CENPE: variants seen among roughly 807,000 people sequenced by gnomAD.
The protein encoded by CENPE is centromere-associated protein E.
CENPE carries 145 observed loss-of-function variants against 336.1 expected under a neutral mutation model. The ratio of observed to expected loss-of-function variants is 0.43; its 90% confidence interval spans 0.38 to 0.50. CENPE has a LOEUF of 0.50. Among genes scored for constraint, CENPE ranks in the 20% least tolerant of loss-of-function variants. The pLI, the probability that CENPE is intolerant of heterozygous loss-of-function variation, is 0.00. For synonymous variants in CENPE, 1,013 were observed against 984.8 expected (o/e 1.03, Z -0.54); for missense variants, 2,719 against 3,023.3 (o/e 0.90, Z 2.36).
At chr4:103,137,914 A>C (rs2125910889) in intron 39 of CENPE, among the ~76,000 whole-genome samples, 1 of 152,258 alleles carries the variant, frequency 6.6e-6, no homozygotes, top group Non-Finnish European at 1.5e-5. Context: ...TCACTTAATA[A>C]AACTCAGTCT....
At chr4:103,162,295 T>C (rs1754513853) in intron 18 of CENPE, among the ~76,000 whole-genome samples, 1 of 151,942 alleles carries the variant, frequency 6.6e-6, no homozygotes, top group South Asian at 2.1e-4. Flanking sequence ...TTTTAAAAGT[T>C]CCAGCTAGAA....
In CENPE at chr4:103,165,511, T is replaced by TTGAC. The variant is rs1457812212; in HGVS notation, c.1648-1962_1648-1959dup. Reference sequence around the variant, plus strand: ...AATGGCTCCATGTCCTAAGGCCAATTTGACTTTTATTCCCTTTTAGCTAAA... The same window carrying TTGAC: ...AATGGCTCCATGTCCTAAGGCCAATTTGACTGACTTTTATTCCCTTTTAGCTAAA... On this transcript the variant is annotated intron_variant, in intron 16 of 48. Transcript: ENST00000265148. 7.2e-5 allele frequency among the ~76,000 whole-genome samples: 11 copies of TTGAC among 152,288 alleles called. No individual in the cohort carries two copies. In the East Asian group the frequency reaches 1.7e-3, roughly 24 times the overall value.
intron 16 of CENPE, among the ~76,000 whole-genome samples, chr4:103,165,002 C>T (rs1273794806): frequency 6.6e-6 from 1 of 152,066 alleles, no homozygotes; most frequent in Non-Finnish European, 1.5e-5. Context: ...TTAAAGAATA[C>T]TAATTTAGAA....
At chr4:103,126,240 G>A (rs1258900709) in intron 42 of CENPE, among the ~76,000 whole-genome samples, 2 of 152,124 alleles carry the variant, frequency 1.3e-5, no homozygotes, top group Admixed American at 6.5e-5. Flanking sequence ...GAGTCTGGCA[G>A]GAGAGGAGAA....
chr4:103,121,534 A>G (rs887727814), intron 43 of CENPE, among the ~76,000 whole-genome samples: 5 of 147,962 alleles, frequency 3.4e-5, no homozygotes, highest in South Asian at 2.1e-4. Flanking sequence ...TAAGCAAACC[A>G]TCTTTTCTTT....
At position 103,114,470 on chromosome 4, in the gene CENPE, C is replaced by T. The variant is rs777709300; in HGVS notation, c.7525G>A (p.Ala2509Thr). The change falls in exon 46 of 49, where the codon GCC becomes ACC. Residue 2509 changes from alanine (A) to threonine (T), a missense_variant. Coordinates refer to ENST00000265148, the MANE Select transcript of CENPE (RefSeq NM_001813.3). Reference sequence around the variant, plus strand: ...TTCTACTTACCTGAGGTATCTTGGGCCTGTTGACTTCTTCTGAGATTTTCT... The same window carrying T: ...TTCTACTTACCTGAGGTATCTTGGGTCTGTTGACTTCTTCTGAGATTTTCT... Reference protein sequence around the residue: ...LRENLRRSQQAQDTSVISEHT... With the variant: ...LRENLRRSQQTQDTSVISEHT... 6.2e-6 allele frequency: 10 copies of T among 1,605,764 alleles called. No homozygotes were observed. In the East Asian group the frequency reaches 1.6e-4, roughly 25 times the overall value.
chr4:103,132,374 C>A (rs375813234), intron 42 of CENPE, among the ~76,000 whole-genome samples: 1 of 152,098 alleles, frequency 6.6e-6, no homozygotes, highest in Non-Finnish European at 1.5e-5. Flanking sequence ...TCATGTCTTA[C>A]GATCTCTAAG....
At chr4:103,194,183 T>G (rs1016270291) in intron 8 of CENPE, 46 bp downstream of exon 8, 1 of 1,424,458 alleles carries the variant, frequency 7.0e-7, no homozygotes, top group African/African-American at 1.4e-5. Context: ...AAATTAAATT[T>G]TGTTTTGGCC....
At position 103,144,437 on chromosome 4, in the gene CENPE, T is replaced by A; in HGVS notation, c.5039A>T (p.Glu1680Val). The A allele has an allele frequency of 6.2e-7, 1 of 1,614,148 alleles. No individual in the cohort carries two copies. Among genetic ancestry groups the A allele is most frequent in the Non-Finnish European group, 8.5e-7 (1 of 1,179,984 alleles). Residue 1680 changes from glutamate to valine, a missense_variant, in exon 33 of 49, where the codon GAA becomes GTA. By Grantham distance (121) the Glu-to-Val change is moderately radical. Around this residue, in one of 5 missense-constraint regions of CENPE, gnomAD observed 2,437 missense variants for 2,513.3 expected, o/e 0.97. Coordinates refer to ENST00000265148, the MANE Select transcript of CENPE (RefSeq NM_001813.3). ...TCTTTCTTTTGTTACAGATCTCATT[T>A]CTTCAAGGTTTTCATGTAGTATCTG... ...LTQILHENLEEMRSVTKERDD... is the reference protein window; with the variant it reads ...LTQILHENLEVMRSVTKERDD...
Position 103,158,435 on chromosome 4 carries a change from T to G in CENPE, c.2898A>C (p.Leu966Phe). Reference protein sequence around the residue: ...VNMNIDTQEQLRNALESLKQH... With the variant: ...VNMNIDTQEQFRNALESLKQH... Reference sequence around the variant, plus strand: ...GTTTCAGAGACTCAAGAGCATTTCGTAATTGTTCTTGAGTATCTATATTCT... The same window carrying G: ...GTTTCAGAGACTCAAGAGCATTTCGGAATTGTTCTTGAGTATCTATATTCT... Residue 966 changes from leucine (L) to phenylalanine (F), a missense_variant, in exon 24 of 49, where the codon TTA becomes TTC. By Grantham distance (22) the Leu-to-Phe change is conservative (BLOSUM62 0). Transcript: ENST00000265148. 1 of 1,591,416 alleles carries G rather than the reference T, an allele frequency of 6.3e-7. No individual in the cohort carries two copies. The highest frequency in any genetic ancestry group is 8.5e-7 in the Non-Finnish European group (1 of 1,170,086).
chr4:103,170,522 C>A (rs551727461), intron 16 of CENPE, among the ~76,000 whole-genome samples: 6 of 151,658 alleles, frequency 4.0e-5, no homozygotes, highest in Admixed American at 1.3e-4. Context: ...CTGATGGTAA[C>A]CACGAAGGAA....
intron 11 of CENPE, among the ~76,000 whole-genome samples, chr4:103,182,527 A>T (rs1482272864): frequency 6.6e-6 from 1 of 152,224 alleles, no homozygotes; most frequent in African/African-American, 2.4e-5. Context: ...GAGTTATTTT[A>T]AAAATATCAA....
At chr4:103,106,933 T>G (rs1260585883) in intron 48 of CENPE, among the ~76,000 whole-genome samples, 1 of 152,214 alleles carries the variant, frequency 6.6e-6, no homozygotes, top group East Asian at 1.9e-4. Flanking sequence ...AATTGGTCAG[T>G]TTTTGATTTA....
chr4:103,116,994 A>G (rs1213782477), intron 44 of CENPE, among the ~76,000 whole-genome samples: 1 of 152,194 alleles, frequency 6.6e-6, no homozygotes, highest in Non-Finnish European at 1.5e-5. Flanking sequence ...ACAAAATGAA[A>G]AAAGTTGGAA....
In CENPE at chr4:103,161,736, G is replaced by A. The variant is rs115091567; in HGVS notation, c.1843-279C>T. Among the ~76,000 whole-genome samples the A allele has an allele frequency of 3.3e-3, 496 of 151,954 alleles. 4 individuals carry two copies. The highest frequency in any genetic ancestry group is 0.012 in the African/African-American group (486 of 41,456). ...TTAAAGGTTAAAACAACTGTTGTTC[G>A]GCAAGGCTGATGAAGTTTTCTATGT... On this transcript the variant is annotated intron_variant, in intron 18 of 48. Transcript: ENST00000265148.
rs1310863393 is a variant in CENPE, at chr4:103,132,793, C to A, written c.6824G>T (p.Trp2275Leu). The part of the protein sequence containing the change: ...RKEMTQFLEE[W>L]LNTRFDIEKL... ...TTCTATATCAAAACGAGTATTTAAC[C>A]ACTCTTCCAAAAACTGTGTCATTTC... is the stretch of plus-strand genomic sequence containing the variant. Residue 2275 changes from tryptophan (W) to leucine (L), a missense_variant, in exon 42 of 49, where the codon TGG becomes TTG. Trp to Leu is a moderately conservative substitution (Grantham distance 61, BLOSUM62 -2). Transcript: ENST00000265148. The A allele has an allele frequency of 6.3e-7, 1 of 1,577,536 alleles. No individual in the cohort carries two copies.
Position 103,141,843 on chromosome 4 carries a change from A to C in CENPE, c.5370T>G (p.Ile1790Met), listed in dbSNP as rs149140940. The C allele has an allele frequency of 3.1e-6, 5 of 1,600,428 alleles. No homozygotes were observed. In the African/African-American group the frequency reaches 6.7e-5, roughly 21 times the overall value. Residue 1790 changes from isoleucine to methionine, a missense_variant, in exon 35 of 49, where the codon ATT (isoleucine) becomes ATG (methionine). Ile to Met is a conservative substitution (Grantham distance 10). Transcript: ENST00000265148. ...CAGAAACAATTCCTCTGAGTTTGTC[A>C]ATAGTTTCCTGCTGCTCTTTCAGAT... ...HMHLKEQQET[I>M]DKLRGIVSEK...
chr4:103,161,074 A>G lies in CENPE; in HGVS notation c.2131+12T>C, dbSNP rs1236507119. On this transcript the variant is annotated intron_variant, in intron 20 of 48. Transcript: ENST00000265148. ...TCAGATTTGAAAAAAGATGTTTAAA[A>G]TTACAAAATACCTTTTGGAACTTTG... 6.4e-7 allele frequency: 1 copy of G among 1,564,196 alleles called. No homozygotes were observed. The highest frequency in any genetic ancestry group is 1.4e-5 in the African/African-American group (1 of 72,476).
At chr4:103,193,613 G>A (rs1345055119) in intron 8 of CENPE, among the ~76,000 whole-genome samples, 1 of 151,980 alleles carries the variant, frequency 6.6e-6, no homozygotes, top group South Asian at 2.1e-4. Context: ...TTACTAATGT[G>A]GAATATAGGA....
Sources: gnomAD v4.1 joint callset for allele counts (sites outside exome capture counted in the v4.1 genomes callset) on GRCh38, gnomAD v4.1.1 for gene constraint, gnomAD v4.1.1 regional missense constraint, MANE v1.5 for transcripts, NCBI Gene and HGNC (gene_info 2026-07-23, HGNC 2026-07-21) for gene names.